Variants in ADAMTSL1 observed in about 807,000 individuals in gnomAD.
ADAMTSL1 encodes the protein ADAMTS like 1.
In ADAMTSL1, 126 loss-of-function variants were observed where a neutral mutation model predicts 201.8. The observed-to-expected ratio is 0.62, with a 90% CI of 0.54 to 0.72. The LOEUF (loss-of-function observed/expected upper bound fraction) is 0.72, where lower values mean the gene tolerates loss of function less well. Ranked by LOEUF, ADAMTSL1 falls within the 30% of genes least tolerant of loss-of-function variation. The probability of loss-of-function intolerance (pLI) is 0.00; values close to 1 mark genes in which losing one functional copy is unlikely to be tolerated. For missense variants in ADAMTSL1, 2,679 were observed against 2,277.8 expected (o/e 1.18, Z -3.59); for synonymous variants, 1,121 against 903.4 (o/e 1.24, Z -4.32).
intron 2 of ADAMTSL1, among the ~76,000 whole-genome samples, chr9:18,178,702 C>T (rs866199724): frequency 2.4e-4 from 37 of 151,928 alleles, no homozygotes; most frequent in Middle Eastern, 6.8e-3. Context: ...ACTGCCTCCT[C>T]AAGTGGGTCC....
In ADAMTSL1 at chr9:18,777,035, C is replaced by A. The variant is rs374272183; in HGVS notation, c.2806C>A (p.Arg936Ser). 2.5e-6 allele frequency: 4 copies of A among 1,609,504 alleles called. No individual in the cohort carries two copies. The African/African-American group carries it at 5.3e-5, about 22-fold the overall frequency. ...VAPFGYLKIHRLKPSDAGVYT... is the reference protein window; with the variant it reads ...VAPFGYLKIHSLKPSDAGVYT... ...CCCCTTCGGCTATCTCAAGATCCAC[C>A]GCCTCAAGCCCTCGGATGCAGGCGT... The change falls in exon 19 of 29, where the codon CGC (arginine) becomes AGC (serine). Residue 936 changes from arginine to serine, a missense_variant. Transcript: ENST00000380548.
chr9:18,397,753 A>G (rs115075980), intron 2 of ADAMTSL1, among the ~76,000 whole-genome samples: 1,767 of 152,316 alleles, frequency 0.012, 33 homozygotes, highest in African/African-American at 0.042. Context: ...ACACTAATTT[A>G]AATTGTTCAA....
intron 2 of ADAMTSL1, among the ~76,000 whole-genome samples, chr9:18,368,257 T>G (rs1189256499): frequency 6.6e-6 from 1 of 152,014 alleles, no homozygotes; most frequent in East Asian, 1.9e-4. Flanking sequence ...TCTGGCCTCA[T>G]CAATATGAAA....
chr9:18,784,472 T>G (rs1821585809), intron 19 of ADAMTSL1, among the ~76,000 whole-genome samples: 1 of 152,144 alleles, frequency 6.6e-6, no homozygotes. Context: ...TCTGCAAGGT[T>G]TTTTATAGTC....
At chr9:18,210,443 A>C (rs1244898205) in intron 2 of ADAMTSL1, among the ~76,000 whole-genome samples, 3 of 146,914 alleles carry the variant, frequency 2.0e-5, no homozygotes, top group East Asian at 3.9e-4. Flanking sequence ...ATTATGTATG[A>C]TATATTAATA....
intron 2 of ADAMTSL1, among the ~76,000 whole-genome samples, chr9:18,517,530 C>T (rs916948821): frequency 3.3e-5 from 5 of 151,528 alleles, no homozygotes; most frequent in Admixed American, 2.0e-4. Context: ...AACTCGTCAT[C>T]TAGCATTAGG....
chr9:18,466,269 G>C (rs919024996), intron 2 of ADAMTSL1, among the ~76,000 whole-genome samples: 2 of 152,082 alleles, frequency 1.3e-5, no homozygotes, highest in Non-Finnish European at 2.9e-5. Flanking sequence ...TCAGTTGCAC[G>C]TCATATTTTT....
At chr9:18,371,542 A>C (rs958241212) in intron 2 of ADAMTSL1, among the ~76,000 whole-genome samples, 1 of 152,246 alleles carries the variant, frequency 6.6e-6, no homozygotes, top group African/African-American at 2.4e-5. Flanking sequence ...TTGCTAAAGC[A>C]TAATAGTTTT....
At chr9:18,362,320 A>G (rs1836563227) in intron 2 of ADAMTSL1, 1 of 152,256 alleles carries the variant, frequency 6.6e-6, no homozygotes, top group Admixed American at 6.5e-5. Context: ...ATATATTAGG[A>G]ATCTCTAGAA....
At chr9:18,333,107 G>C (rs1248011173) in intron 2 of ADAMTSL1, among the ~76,000 whole-genome samples, 1 of 152,160 alleles carries the variant, frequency 6.6e-6, no homozygotes, top group Non-Finnish European at 1.5e-5. Context: ...AGGATTTGGT[G>C]ATCAAGGTTT....
intron 2 of ADAMTSL1, among the ~76,000 whole-genome samples, chr9:18,368,268 C>T (rs959856682): frequency 3.3e-5 from 5 of 151,996 alleles, no homozygotes; most frequent in African/African-American, 1.2e-4. Context: ...CAATATGAAA[C>T]ATCAGTTAAC....
chr9:18,900,917 G>A (rs1348741571), intron 26 of ADAMTSL1, among the ~76,000 whole-genome samples: 1 of 152,114 alleles, frequency 6.6e-6, no homozygotes, highest in Non-Finnish European at 1.5e-5. Flanking sequence ...CTTAAAGGTT[G>A]AAGGAAAAGA....
intron 14 of ADAMTSL1, among the ~76,000 whole-genome samples, chr9:18,718,974 CT>C (rs1168436274): frequency 3.3e-5 from 5 of 152,198 alleles, no homozygotes; most frequent in Admixed American, 3.3e-4. Flanking sequence ...ATAACCACAG[CT>C]CTAGATTCTG....
intron 2 of ADAMTSL1, among the ~76,000 whole-genome samples, chr9:18,458,665 C>T (rs572297188): frequency 5.9e-5 from 9 of 152,168 alleles, no homozygotes; most frequent in South Asian, 2.1e-4. Flanking sequence ...CTTTATATAC[C>T]GGGAAAAAGA....
At position 18,302,851 on chromosome 9, in the gene ADAMTSL1, G is replaced by A. The variant is rs897551767; in HGVS notation, c.207+138870G>A. ...TACTTTTTAACTTTAAAATGTTACC[G>A]AAGGCTTTTATATTTTGGTTGTTAC... On this transcript the variant is annotated intron_variant, in intron 2 of 29. Transcript: ENST00000680146. Among the ~76,000 whole-genome samples, 8 of 152,242 alleles carry A rather than the reference G, an allele frequency of 5.3e-5. No individual in the cohort carries two copies. In the East Asian group the frequency reaches 7.7e-4, roughly 15 times the overall value.
intron 1 of ADAMTSL1, among the ~76,000 whole-genome samples, chr9:17,994,600 G>C (rs1474923912): frequency 6.6e-6 from 1 of 152,026 alleles, no homozygotes; most frequent in Non-Finnish European, 1.5e-5. Context: ...TTAATTTCTA[G>C]CACTTGTATT....
At chr9:18,604,218 A>G (rs372561596) in intron 4 of ADAMTSL1, among the ~76,000 whole-genome samples, 1 of 152,234 alleles carries the variant, frequency 6.6e-6, no homozygotes, top group Non-Finnish European at 1.5e-5. Context: ...AGGAAGGGGC[A>G]TAGGCTGCAA....
At chr9:18,382,329 T>C (rs1837592749) in intron 2 of ADAMTSL1, among the ~76,000 whole-genome samples, 3 of 152,194 alleles carry the variant, frequency 2.0e-5, no homozygotes, top group Admixed American at 1.3e-4. Flanking sequence ...TTGCCAAGCA[T>C]ATTGCCACAT....
At chr9:18,538,745 C>G (rs1280191506) in intron 3 of ADAMTSL1, among the ~76,000 whole-genome samples, 18 of 152,100 alleles carry the variant, frequency 1.2e-4, no homozygotes, top group Admixed American at 9.8e-4. Flanking sequence ...TGGTTATTAA[C>G]AGTGGGCGTA....
Sources: allele counts gnomAD v4.1 joint callset (sites outside exome capture counted in the v4.1 genomes callset), GRCh38; gene constraint gnomAD v4.1.1; transcripts MANE v1.5; gene names NCBI Gene and HGNC (gene_info 2026-07-23, HGNC 2026-07-21).